The following RNF150 variants were observed in gnomAD, a reference collection of about 807,000 sequenced individuals.
The protein encoded by RNF150 is ring finger protein 150.
RNF150 carries 24 observed loss-of-function variants against 39.3 expected under a neutral mutation model. The ratio of observed to expected loss-of-function variants is 0.61; its 90% confidence interval spans 0.44 to 0.86. The LOEUF is 0.86. RNF150 is among the 40% of genes least tolerant of loss of function. The pLI is 0.00. For missense variants in RNF150, 502 were observed against 587.8 expected (o/e 0.85, Z 1.51); for synonymous variants, 255 against 227.3 (o/e 1.12, Z -1.10).
At chr4:141,083,237 C>T (rs914583292) in intron 1 of RNF150, among the ~76,000 whole-genome samples, 2 of 152,132 alleles carry the variant, frequency 1.3e-5, no homozygotes, top group Admixed American at 1.3e-4. Context: ...GCACACAGAG[C>T]CAATTCTTTT....
In RNF150 at chr4:140,923,837, T is replaced by C. The variant is rs919167327; in HGVS notation, c.987+2140A>G. ...TCCTTTGTAGGGACATGGATGAAGC[T>C]AGAAACCATCATTCTCAGCAAACTG... On this transcript the variant is annotated intron_variant, in intron 5 of 6. Coordinates refer to ENST00000515673, the MANE Select transcript of RNF150 (RefSeq NM_020724.2). 8.5e-5 allele frequency among the ~76,000 whole-genome samples: 13 copies of C among 152,280 alleles called. No homozygotes were observed. In the East Asian group the frequency reaches 9.7e-4, roughly 11 times the overall value.
At chr4:141,107,336 C>T (rs113711199) in intron 1 of RNF150, among the ~76,000 whole-genome samples, 27 of 152,258 alleles carry the variant, frequency 1.8e-4, no homozygotes, top group African/African-American at 6.5e-4. Flanking sequence ...TTACATCTCA[C>T]TAGAATCCTA....
rs200901850 is a variant in RNF150, at chr4:140,867,016, C to T, written c.*1245G>A. The T allele has an allele frequency of 7.9e-5, 12 of 152,264 alleles. No individual in the cohort carries two copies. In the East Asian group the frequency reaches 1.5e-3, roughly 20 times the overall value. The allele number at this position is 152,264 out of a possible 1,614,324, so 9.4% of individuals were successfully genotyped here. ...CTTTGTCTATTTCAGTCAGGATAAA[C>T]GATCTAGCAAATTCTCATGCTGCAT... is the stretch of plus-strand genomic sequence containing the variant. On this transcript the variant is annotated 3_prime_UTR_variant, in exon 7 of 7. Transcript: ENST00000515673.
intron 1 of RNF150, among the ~76,000 whole-genome samples, chr4:141,139,905 A>G (rs1006761024): frequency 6.6e-6 from 1 of 152,196 alleles, no homozygotes; most frequent in Non-Finnish European, 1.5e-5. Context: ...GATATTCATC[A>G]TCTTGTTCAT....
At chr4:141,012,922 C>G (rs1490522651) in intron 1 of RNF150, among the ~76,000 whole-genome samples, 1 of 151,924 alleles carries the variant, frequency 6.6e-6, no homozygotes, top group Non-Finnish European at 1.5e-5. Context: ...AAGTGGCAGA[C>G]CTGGGCTAGT....
chr4:141,054,448 A>T (rs1736893200), intron 1 of RNF150, among the ~76,000 whole-genome samples: 1 of 152,136 alleles, frequency 6.6e-6, no homozygotes, highest in Admixed American at 6.6e-5. Flanking sequence ...TAACATGAAC[A>T]TGAATGGGTT....
At chr4:141,153,962 G>C (rs354935) in intron 1 of RNF150, among the ~76,000 whole-genome samples, 54,148 of 152,046 alleles carry the variant, frequency 0.36, 11,811 homozygotes, top group Non-Finnish European at 0.47. Context: ...CTTATTAGTT[G>C]TCTGCTTTGG....
chr4:141,190,289 C>T lies in RNF150; in HGVS notation c.-6+22505G>A, dbSNP rs141130006. On this transcript the variant is annotated intron_variant, in intron 1 of 7. Coordinates refer to the RNF150 transcript ENST00000420921. ...CCTATTAGGCCATTTTGCCAGATCC[C>T]CCAATCAGTCGATTTTAAGTTTATC... Among the ~76,000 whole-genome samples the T allele has an allele frequency of 2.3e-3, 343 of 152,336 alleles. 5 individuals carry two copies. Among genetic ancestry groups the T allele is most frequent in the African/African-American group, 7.8e-3 (326 of 41,566 alleles).
chr4:141,149,222 T>G (rs1727255374), intron 1 of RNF150, among the ~76,000 whole-genome samples: 1 of 152,020 alleles, frequency 6.6e-6, no homozygotes, highest in African/African-American at 2.4e-5. Context: ...CTGATACAGG[T>G]TTCAAGGCCC....
chr4:140,940,306 T>C (rs1362536253), intron 4 of RNF150, among the ~76,000 whole-genome samples: 1 of 152,168 alleles, frequency 6.6e-6, no homozygotes, highest in Non-Finnish European at 1.5e-5. Context: ...TTTATAATCT[T>C]AGAAACAAGG....
At chr4:141,161,890 T>G (rs1031748833) in intron 1 of RNF150, among the ~76,000 whole-genome samples, 1 of 152,144 alleles carries the variant, frequency 6.6e-6, no homozygotes, top group African/African-American at 2.4e-5. Flanking sequence ...AGAGGATGTA[T>G]GGAAAAGCAT....
intron 1 of RNF150, among the ~76,000 whole-genome samples, chr4:141,022,825 A>G (rs1166862824): frequency 1.3e-5 from 2 of 152,126 alleles, no homozygotes; most frequent in Non-Finnish European, 2.9e-5. Flanking sequence ...GTCACAAAAA[A>G]TTTTCTGGAA....
chr4:140,900,675 T>C (rs72722335), intron 6 of RNF150, among the ~76,000 whole-genome samples: 2 of 152,290 alleles, frequency 1.3e-5, no homozygotes, highest in Non-Finnish European at 2.9e-5. Context: ...ACCTTGCAGA[T>C]ATTTTTATAT....
chr4:141,017,898 C>T (rs1345210922), intron 1 of RNF150, among the ~76,000 whole-genome samples: 1 of 152,142 alleles, frequency 6.6e-6, no homozygotes, highest in Admixed American at 6.6e-5. Flanking sequence ...TATCCATTCA[C>T]CTGCTGAAGG....
chr4:141,136,410 A>T (rs1374212204), upstream of RNF150, among the ~76,000 whole-genome samples: 1 of 152,196 alleles, frequency 6.6e-6, no homozygotes, highest in Non-Finnish European at 1.5e-5. Context: ...ACTTTCAGAG[A>T]ATTTGAGCCC....
intron 1 of RNF150, among the ~76,000 whole-genome samples, chr4:141,067,392 C>T (rs1262693576): frequency 2.0e-5 from 3 of 152,166 alleles, no homozygotes; most frequent in African/African-American, 7.2e-5. Context: ...AGAGTCCAAA[C>T]AGATCAGCTT....
At chr4:140,963,367 C>G (rs1480645855) in intron 2 of RNF150, among the ~76,000 whole-genome samples, 1 of 151,972 alleles carries the variant, frequency 6.6e-6, no homozygotes. Context: ...TGCAGTGTTA[C>G]CCAATAAGAC....
chr4:141,088,016 C>T (rs1738432570), intron 1 of RNF150, among the ~76,000 whole-genome samples: 1 of 152,064 alleles, frequency 6.6e-6, no homozygotes, highest in African/African-American at 2.4e-5. Flanking sequence ...CTCTGAAGTC[C>T]ACCAGAGTAG....
At chr4:141,157,771 A>G (rs913876192) in intron 1 of RNF150, among the ~76,000 whole-genome samples, 1 of 152,220 alleles carries the variant, frequency 6.6e-6, no homozygotes, top group African/African-American at 2.4e-5. Context: ...AGACTGCCAC[A>G]TATAGAAACA....
Sources: allele counts gnomAD v4.1 joint callset (sites outside exome capture counted in the v4.1 genomes callset), GRCh38; gene constraint gnomAD v4.1.1; transcripts MANE v1.5; gene names NCBI Gene and HGNC (gene_info 2026-07-23, HGNC 2026-07-21).